RUNX2: variants seen among roughly 807,000 people sequenced by gnomAD.
The protein encoded by RUNX2 is RUNX family transcription factor 2.
RUNX2 carries 10 observed loss-of-function variants against 51.7 expected under a neutral mutation model. The observed-to-expected ratio is 0.19, with a 90% CI of 0.12 to 0.33. The LOEUF is 0.33. RUNX2 is among the 10% of genes least tolerant of loss of function. The probability of loss-of-function intolerance (pLI) is 1.00; values close to 1 mark genes in which losing one functional copy is unlikely to be tolerated. For missense variants in RUNX2, 562 were observed against 691.3 expected (o/e 0.81, Z 2.10); for synonymous variants, 276 against 273.6 (o/e 1.01, Z -0.09).
At chr6:45,518,217 G>A (rs1801391393) in intron 7 of RUNX2, among the ~76,000 whole-genome samples, 1 of 152,152 alleles carries the variant, frequency 6.6e-6, no homozygotes, top group Non-Finnish European at 1.5e-5. Flanking sequence ...CTCTTATTTT[G>A]AAGAAGTTCT....
intron 5 of RUNX2, among the ~76,000 whole-genome samples, chr6:45,484,473 G>T (rs1316012695): frequency 1.3e-5 from 2 of 152,160 alleles, no homozygotes; most frequent in Non-Finnish European, 2.9e-5. Flanking sequence ...TCATCTGAAC[G>T]TAAACAGAGG....
intron 2 of RUNX2, among the ~76,000 whole-genome samples, chr6:45,397,663 T>G (rs1185720443): frequency 2.0e-5 from 3 of 152,212 alleles, no homozygotes; most frequent in African/African-American, 7.2e-5. Flanking sequence ...AAATGGTATA[T>G]TAGCCATTTT....
intron 2 of RUNX2, among the ~76,000 whole-genome samples, chr6:45,416,901 C>T (rs1798078691): frequency 6.6e-6 from 1 of 151,976 alleles, no homozygotes; most frequent in Non-Finnish European, 1.5e-5. Context: ...TGAATATGGC[C>T]CTTGGGAATG....
chr6:45,399,422 C>T (rs1363543314), intron 2 of RUNX2, among the ~76,000 whole-genome samples: 7 of 127,920 alleles, frequency 5.5e-5, no homozygotes, highest in Non-Finnish European at 9.4e-5. Flanking sequence ...TGTAGTGGCA[C>T]GATCTTGGCT....
intron 2 of RUNX2, among the ~76,000 whole-genome samples, chr6:45,343,055 A>G (rs1790137877): frequency 6.6e-6 from 1 of 152,196 alleles, no homozygotes; most frequent in Non-Finnish European, 1.5e-5. Flanking sequence ...GAAAGTTTCC[A>G]GTTAAATAAA....
chr6:45,423,434 G>T (rs1169974017), intron 3 of RUNX2, among the ~76,000 whole-genome samples: 1 of 152,130 alleles, frequency 6.6e-6, no homozygotes, highest in Non-Finnish European at 1.5e-5. Flanking sequence ...TGCCCGCGCA[G>T]CCTCTCTTTG....
At chr6:45,499,592 C>G (rs1206074870) in intron 6 of RUNX2, among the ~76,000 whole-genome samples, 2 of 152,174 alleles carry the variant, frequency 1.3e-5, no homozygotes, top group Admixed American at 6.5e-5. Flanking sequence ...TTGGCATTCC[C>G]TTATTAACTG....
chr6:45,329,992 T>C (rs893907278), intron 2 of RUNX2, among the ~76,000 whole-genome samples: 3 of 151,878 alleles, frequency 2.0e-5, no homozygotes, highest in Non-Finnish European at 2.9e-5. Context: ...CTCCTCCTAC[T>C]TCACACATTT....
At chr6:45,370,500 A>G (rs1282457509) in intron 2 of RUNX2, among the ~76,000 whole-genome samples, 1 of 152,198 alleles carries the variant, frequency 6.6e-6, no homozygotes, top group Non-Finnish European at 1.5e-5. Flanking sequence ...TGTAAAGCAG[A>G]AAACTGAAAT....
intron 5 of RUNX2, among the ~76,000 whole-genome samples, chr6:45,468,888 G>A (rs1473115563): frequency 6.6e-6 from 1 of 152,230 alleles, no homozygotes; most frequent in African/African-American, 2.4e-5. Flanking sequence ...CTCCCAAGGA[G>A]TTTGTACTAC....
chr6:45,371,930 G>GGACA, intron 2 of RUNX2: 1 of 802,416 alleles, frequency 1.2e-6, no homozygotes. Context: ...AACTGCCCAA[G>GGACA]GACACACTAC....
intron 5 of RUNX2, among the ~76,000 whole-genome samples, chr6:45,464,536 G>A (rs142873217): frequency 7.9e-4 from 121 of 152,208 alleles, no homozygotes; most frequent in African/African-American, 2.8e-3. Flanking sequence ...AGCGGCCCTT[G>A]GGTTGCATGA....
chr6:45,437,794 G>C (rs1798727188), intron 4 of RUNX2, among the ~76,000 whole-genome samples, 153 bp from the exon 5 acceptor site: 1 of 152,184 alleles, frequency 6.6e-6, no homozygotes, highest in South Asian at 2.1e-4. Context: ...TCATCGGAGG[G>C]TTTCCAATTT....
intron 2 of RUNX2, among the ~76,000 whole-genome samples, chr6:45,348,861 TGA>T (rs1408073877): frequency 6.6e-6 from 1 of 152,192 alleles, no homozygotes; most frequent in Non-Finnish European, 1.5e-5. Context: ...GAACTCTCTT[TGA>T]GAGGCTTTAG....
intron 2 of RUNX2, among the ~76,000 whole-genome samples, chr6:45,355,831 T>G (rs572541080): frequency 6.6e-6 from 1 of 152,160 alleles, no homozygotes; most frequent in Non-Finnish European, 1.5e-5. Flanking sequence ...TGGAAAGTAA[T>G]TCCAACCAAA....
intron 5 of RUNX2, among the ~76,000 whole-genome samples, chr6:45,453,865 G>A (rs972559142): frequency 6.6e-6 from 1 of 152,202 alleles, no homozygotes; most frequent in African/African-American, 2.4e-5. Flanking sequence ...GGATCCAAGA[G>A]TTTTTGGATT....
rs772291669 is a variant in RUNX2, at chr6:45,422,794, C to T, written c.260C>T (p.Ala87Val). ...AAAAAAAAAA[A>V]AAVPRLRPPH... ...GCGGCGGCGGCGGCTGCGGCGGCGGCAGCTGCAGTGCCCCGGTTGCGGCCG... is the reference window on the plus strand; with the variant it reads ...GCGGCGGCGGCGGCTGCGGCGGCGGTAGCTGCAGTGCCCCGGTTGCGGCCG... Residue 87 changes from alanine to valine, a missense_variant, in exon 3 of 9, where the codon GCA (alanine) becomes GTA (valine). Physicochemically the swap from Ala to Val is moderately conservative, Grantham distance 64 (BLOSUM62 0). This residue lies in a region of RUNX2 where 153 missense variants were observed against 144.8 expected (regional missense o/e 1.06). Transcript: ENST00000647337. 6.5e-7 allele frequency: 1 copy of T among 1,532,808 alleles called. No homozygotes were observed. Among genetic ancestry groups the T allele is most frequent in the Non-Finnish European group, 8.7e-7 (1 of 1,145,674 alleles). The allele number at this position is 1,532,808 out of a possible 1,614,324, so 95.0% of individuals were successfully genotyped here. A position where few individuals can be genotyped will look rare whatever the true frequency, so the allele number is the denominator to read the frequency against.
intron 2 of RUNX2, among the ~76,000 whole-genome samples, chr6:45,329,553 C>T (rs1787034894): frequency 6.6e-6 from 1 of 151,888 alleles, no homozygotes; most frequent in African/African-American, 2.4e-5. Flanking sequence ...TTGTTATAAA[C>T]ACACTGAAAC....
At chr6:45,530,946 T>C (rs1421999673) in intron 7 of RUNX2, among the ~76,000 whole-genome samples, 1 of 152,234 alleles carries the variant, frequency 6.6e-6, no homozygotes, top group Non-Finnish European at 1.5e-5. Context: ...AATACTTAGA[T>C]AGTGCTTTAC....
Sources: allele counts gnomAD v4.1 joint callset (sites outside exome capture counted in the v4.1 genomes callset), GRCh38; gene constraint gnomAD v4.1.1; regional missense constraint gnomAD v4.1.1; transcripts MANE v1.5; gene names NCBI Gene and HGNC (gene_info 2026-07-23, HGNC 2026-07-21).